PHF12: variants seen among roughly 807,000 people sequenced by gnomAD.
PHF12 encodes the protein PHD finger protein 12.
In PHF12, 6 loss-of-function variants were observed where a neutral mutation model predicts 99.8. The ratio of observed to expected loss-of-function variants is 0.06; its 90% CI spans 0.03 to 0.12. The LOEUF (loss-of-function observed/expected upper bound fraction) is 0.12, where lower values mean the gene tolerates loss of function less well. Among genes scored for constraint, PHF12 ranks in the 10% least tolerant of loss-of-function variants. The probability of loss-of-function intolerance (pLI) is 1.00; values close to 1 mark genes in which losing one functional copy is unlikely to be tolerated. For missense variants in PHF12, 954 were observed against 1,300.1 expected (o/e 0.73, Z 4.09); for synonymous variants, 480 against 514.9 (o/e 0.93, Z 0.92).
rs952950500 is a variant in PHF12, at chr17:28,944,563, C to T, written c.248+5502G>A. The stretch of plus-strand genomic sequence containing the variant: ...CATGACACGTAAGGCAGGAGAATCA[C>T]TTGAACCTGGAAGGCGGAGATTGCA... On this transcript the variant is annotated intron_variant, in intron 2 of 14. Transcript: ENST00000332830. The T allele has an allele frequency of 1.8e-5, 17 of 966,120 alleles. No individual in the cohort carries two copies. In the Admixed American group the frequency reaches 3.1e-4, roughly 18 times the overall value. The allele number at this position is 966,120 out of a possible 1,614,324, so 59.8% of individuals were successfully genotyped here.
At chr17:28,934,637 G>A (rs1369381801) in intron 2 of PHF12, among the ~76,000 whole-genome samples, 1 of 140,050 alleles carries the variant, frequency 7.1e-6, no homozygotes, top group African/African-American at 2.7e-5. Context: ...TTGAGATGGA[G>A]TCTTGCTCTG....
chr17:28,910,504 G>A lies in PHF12; in HGVS notation c.2216-135C>T, dbSNP rs935526780. On this transcript the variant is annotated intron_variant, in intron 10 of 14. Transcript: ENST00000332830. ...GATTTTTACTCAAACAGCATTGAGT[G>A]CAGAGCGTACAAGGATCTGCAGCTG... 4.6e-6 allele frequency: 5 copies of A among 1,087,076 alleles called. No homozygotes were observed. In the African/African-American group the frequency reaches 4.8e-5, roughly 10 times the overall value. The allele number at this position is 1,087,076 out of a possible 1,614,324, so 67.3% of individuals were successfully genotyped here.
chr17:28,927,360 T>G (rs1356248189), intron 2 of PHF12, among the ~76,000 whole-genome samples: 1 of 152,192 alleles, frequency 6.6e-6, no homozygotes, highest in Non-Finnish European at 1.5e-5. Flanking sequence ...AGCCTGTTAG[T>G]GTAGAGCCAA....
chr17:28,947,301 C>A (rs893715902), intron 2 of PHF12, among the ~76,000 whole-genome samples: 1 of 152,168 alleles, frequency 6.6e-6, no homozygotes, highest in South Asian at 2.1e-4. Flanking sequence ...CATGAAAACA[C>A]ATTCAAGAAT....
At chr17:28,934,581 C>A (rs1199749186) in intron 2 of PHF12, among the ~76,000 whole-genome samples, 2 of 151,316 alleles carry the variant, frequency 1.3e-5, no homozygotes, top group Non-Finnish European at 2.9e-5. Context: ...AGTGTTTGAA[C>A]CTTTCTTTTC....
chr17:28,909,073 A>G, intron 11 of PHF12, 192 bp from the exon 12 acceptor site: 1 of 599,872 alleles, frequency 1.7e-6, no homozygotes, highest in Admixed American at 2.7e-5. Flanking sequence ...AGCATTTCCA[A>G]CACAGGGTAC....
intron 4 of PHF12, 110 bp from the exon 5 acceptor site, chr17:28,921,918 C>CCTG: frequency 6.9e-7 from 1 of 1,457,352 alleles, no homozygotes; most frequent in Non-Finnish European, 9.2e-7. Flanking sequence ...GTGTCATGGC[C>CCTG]TAAGCATGAA....
chr17:28,950,735 A>G lies in PHF12; in HGVS notation c.66+160T>C. ...GCAAACGTCCTCGGAGGCTGAGCTC[A>G]GCCCCCTAAATTGCAAAGAGGGGAG... On this transcript the variant is annotated intron_variant, in intron 1 of 14. Transcript: ENST00000332830. This position sits in a 1 kb window ranked among gnomAD's most constrained non-coding sequence, Gnocchi z 5.7. The G allele has an allele frequency of 9.5e-7, 1 of 1,053,756 alleles. No homozygotes were observed. The highest frequency in any genetic ancestry group is 1.3e-6 in the Non-Finnish European group (1 of 768,956). 65.3% of individuals were successfully genotyped at this position (1,053,756 alleles called of 1,614,324 possible). A position where few individuals can be genotyped will look rare whatever the true frequency, so the allele number is the denominator to read the frequency against.
At chr17:28,917,475 G>GT in intron 6 of PHF12, 26 bp from the exon 7 acceptor site, 1 of 1,571,674 alleles carries the variant, frequency 6.4e-7, no homozygotes, top group Non-Finnish European at 8.6e-7. Context: ...ACACAACCTT[G>GT]TGGTGAGCCT....
intron 2 of PHF12, among the ~76,000 whole-genome samples, chr17:28,942,794 C>T (rs184920368): frequency 2.6e-5 from 4 of 151,098 alleles, no homozygotes; most frequent in African/African-American, 7.3e-5. Flanking sequence ...CCAGCCTCGG[C>T]GACAGAGGGA....
intron 13 of PHF12, 74 bp from the exon 14 acceptor site, chr17:28,907,068 TGGAGAA>T: frequency 6.7e-7 from 1 of 1,491,216 alleles, no homozygotes; most frequent in Non-Finnish European, 9.1e-7. Flanking sequence ...AGAGGACATA[TGGAGAA>T]GGCCGTGCTA....
chr17:28,908,180 A>C (rs1334639921), intron 12 of PHF12: 1 of 160,818 alleles, frequency 6.2e-6, no homozygotes, highest in African/African-American at 2.4e-5. Flanking sequence ...ACCAGGGACA[A>C]AGCATCTGCC....
chr17:28,933,652 C>T (rs562134773), intron 2 of PHF12, among the ~76,000 whole-genome samples: 1 of 152,188 alleles, frequency 6.6e-6, no homozygotes, highest in Non-Finnish European at 1.5e-5. Flanking sequence ...TTTCCTTCTA[C>T]ATCAGTCAAT....
At chr17:28,947,632 GGAAA>G (rs1282291618) in intron 2 of PHF12, among the ~76,000 whole-genome samples, 7 of 152,138 alleles carry the variant, frequency 4.6e-5, no homozygotes, top group Admixed American at 4.6e-4. Flanking sequence ...CACTCTTGGT[GGAAA>G]GAGTGTGGCT....
At chr17:28,910,036 C>A in intron 11 of PHF12, 190 bp downstream of exon 11, 1 of 826,580 alleles carries the variant, frequency 1.2e-6, no homozygotes, top group South Asian at 1.4e-5. Flanking sequence ...CAAGTCTGAT[C>A]AGAAAGCTGT....
chr17:28,911,355 C>G (rs755670269), intron 9 of PHF12, 118 bp from the exon 10 acceptor site: 9 of 1,399,402 alleles, frequency 6.4e-6, no homozygotes, highest in Non-Finnish European at 6.8e-6. Flanking sequence ...CTTCTTGATT[C>G]TCAACCCATA....
intron 2 of PHF12, among the ~76,000 whole-genome samples, chr17:28,937,240 C>T (rs1427253928): frequency 6.6e-6 from 1 of 152,170 alleles, no homozygotes; most frequent in East Asian, 1.9e-4. Flanking sequence ...AGCTAGCTTC[C>T]TCTGGACACT....
intron 7 of PHF12, 86 bp from the exon 8 acceptor site, chr17:28,914,123 G>T: frequency 1.4e-6 from 2 of 1,408,434 alleles, no homozygotes; most frequent in South Asian, 1.4e-5. Flanking sequence ...TGTTCTGTCT[G>T]TGGTGCTGGT....
chr17:28,931,888 T>G (rs760930848), intron 2 of PHF12, among the ~76,000 whole-genome samples: 1 of 152,000 alleles, frequency 6.6e-6, no homozygotes, highest in Non-Finnish European at 1.5e-5. Flanking sequence ...GGCCAAGATT[T>G]GCTGCTTTCT....
Sources: gnomAD v4.1 joint callset for allele counts (sites outside exome capture counted in the v4.1 genomes callset) on GRCh38, gnomAD v4.1.1 for gene constraint, Gnocchi (gnomAD v3.1) non-coding constraint, MANE v1.5 for transcripts, NCBI Gene and HGNC (gene_info 2026-07-23, HGNC 2026-07-21) for gene names.